The following TRIO variants were observed in gnomAD, a reference collection of about 807,000 sequenced individuals.
TRIO encodes the protein trio Rho guanine nucleotide exchange factor.
TRIO carries 58 observed loss-of-function variants against 351.9 expected under a neutral mutation model. The ratio of observed to expected loss-of-function variants is 0.16; its 90% CI spans 0.13 to 0.21. TRIO has a LOEUF of 0.21. Ranked by LOEUF, TRIO falls within the 10% of genes least tolerant of loss-of-function variation. The pLI is 1.00. For synonymous variants in TRIO, 1,758 were observed against 1,595.7 expected, an observed-to-expected ratio of 1.10 and a Z score of -2.42; for missense variants, 3,201 against 4,027.8, an observed-to-expected ratio of 0.79 and a Z score of 5.56.
intron 1 of TRIO, among the ~76,000 whole-genome samples, chr5:14,204,214 C>T (rs997943830): frequency 1.3e-5 from 2 of 152,098 alleles, no homozygotes; most frequent in African/African-American, 2.4e-5. Flanking sequence ...TCTGCTTGAC[C>T]TCACAATAAA....
In TRIO at chr5:14,501,866, C is replaced by T. The variant is rs150907687; in HGVS notation, c.8333-713C>T. On this transcript the variant is annotated intron_variant, in intron 53 of 56. Transcript: ENST00000344204. Reference sequence around the variant, plus strand: ...CCGTGGAGGCCTAGAATCACAGTGGCAGCTGTGCTTCCCAGGGGCTGCCTG... The same window carrying T: ...CCGTGGAGGCCTAGAATCACAGTGGTAGCTGTGCTTCCCAGGGGCTGCCTG... 3.8e-3 allele frequency among the ~76,000 whole-genome samples: 584 copies of T among 152,312 alleles called. 1 individual carries two copies. Among genetic ancestry groups the T allele is most frequent in the Non-Finnish European group, 6.2e-3 (423 of 68,018 alleles).
chr5:14,422,424 C>T (rs1032323819), intron 34 of TRIO, among the ~76,000 whole-genome samples: 8 of 152,236 alleles, frequency 5.3e-5, no homozygotes, highest in African/African-American at 1.7e-4. Flanking sequence ...TTTTTCATAA[C>T]ACCCTGATCC....
chr5:14,384,524 A>C (rs1746376182), intron 21 of TRIO, among the ~76,000 whole-genome samples: 1 of 152,246 alleles, frequency 6.6e-6, no homozygotes, highest in African/African-American at 2.4e-5. Context: ...TCCTTATAAT[A>C]TCTCACTTTA....
intron 27 of TRIO, among the ~76,000 whole-genome samples, chr5:14,392,890 C>CA (rs35146191): frequency 6.6e-6 from 1 of 151,406 alleles, no homozygotes; most frequent in African/African-American, 2.4e-5. Context: ...ACTAAAAATA[C>CA]AAAAAAAATT....
Position 14,392,904 on chromosome 5 carries a change from C to T in TRIO, c.4219-1134C>T, listed in dbSNP as rs186188782. Reference sequence around the variant, plus strand: ...TACTAAAAATACAAAAAAAATTAGCCGAGCGTGGTGGCGGGCACCTGTATC... The same window carrying T: ...TACTAAAAATACAAAAAAAATTAGCTGAGCGTGGTGGCGGGCACCTGTATC... On this transcript the variant is annotated intron_variant, in intron 27 of 56. Coordinates refer to ENST00000344204, the MANE Select transcript of TRIO (RefSeq NM_007118.4). Among the ~76,000 whole-genome samples the T allele has an allele frequency of 9.9e-3, 1,506 of 151,940 alleles. 10 individuals are homozygous for T. The highest frequency in any genetic ancestry group is 0.023 in the African/African-American group (971 of 41,426).
intron 21 of TRIO, 182 bp from the exon 22 acceptor site, chr5:14,387,256 A>C: frequency 1.8e-6 from 1 of 556,256 alleles, no homozygotes. Context: ...AGAGCTGAGG[A>C]GAGATAGCTG....
At chr5:14,403,366 TGTG>T (rs528397111) in intron 31 of TRIO, among the ~76,000 whole-genome samples, 28 of 29,782 alleles carry the variant, frequency 9.4e-4, no homozygotes, top group Non-Finnish European at 9.5e-4. Flanking sequence ...GGGTGCAGGT[TGTG>T]GTGAGGGTGT....
chr5:14,280,233 A>T, intron 2 of TRIO, 89 bp from the exon 3 acceptor site: 1 of 1,281,706 alleles, frequency 7.8e-7, no homozygotes, highest in Non-Finnish European at 1.1e-6. Context: ...TAGTTGCTTT[A>T]GGAATAATTT....
At chr5:14,159,480 A>G (rs1455134589) in intron 1 of TRIO, among the ~76,000 whole-genome samples, 1 of 152,094 alleles carries the variant, frequency 6.6e-6, no homozygotes, top group Non-Finnish European at 1.5e-5. Context: ...TTGAAGGGAG[A>G]GGCAACTTTC....
intron 8 of TRIO, among the ~76,000 whole-genome samples, chr5:14,308,908 A>G (rs1456031526): frequency 6.6e-6 from 1 of 150,576 alleles, no homozygotes; most frequent in Non-Finnish European, 1.5e-5. Flanking sequence ...ACCCATCCAC[A>G]TTTGTCTAGT....
At chr5:14,231,996 T>C (rs908813121) in intron 1 of TRIO, among the ~76,000 whole-genome samples, 1 of 152,182 alleles carries the variant, frequency 6.6e-6, no homozygotes. Flanking sequence ...ACATAAGGAC[T>C]TAATTATAAC....
intron 1 of TRIO, among the ~76,000 whole-genome samples, chr5:14,233,030 C>T (rs997813841): frequency 2.6e-5 from 4 of 151,904 alleles, no homozygotes; most frequent in Non-Finnish European, 5.9e-5. Flanking sequence ...TGGGCTCATG[C>T]GAGGGTGTGT....
At chr5:14,492,873 C>A in intron 49 of TRIO, 59 bp downstream of exon 49, 1 of 1,591,394 alleles carries the variant, frequency 6.3e-7, no homozygotes, top group South Asian at 1.1e-5. Context: ...GCACAGCACC[C>A]GTGAGGCACA....
At position 14,487,871 on chromosome 5, in the gene TRIO, C is replaced by T. The variant is rs1473281721; in HGVS notation, c.7243C>T (p.Leu2415=). 10 of 1,538,942 alleles carry T rather than the reference C, an allele frequency of 6.5e-6. No homozygotes were observed. The highest frequency in any genetic ancestry group is 8.8e-6 in the Non-Finnish European group (10 of 1,142,474). The change falls in exon 48 of 57, where the codon CTG becomes TTG. Residue 2415 remains leucine (L), a synonymous_variant. Coordinates refer to ENST00000344204, the MANE Select transcript of TRIO (RefSeq NM_007118.4). ...GGAGCCGATCCCCAAGATGAAGGTG[C>T]TGGAGAGCCCCAGGAAAGGCGCCGC... The part of the protein sequence containing the change: ...EAEPIPKMKV[L]ESPRKGAANA...
chr5:14,254,466 T>C (rs564582350), intron 1 of TRIO, among the ~76,000 whole-genome samples: 1 of 152,336 alleles, frequency 6.6e-6, no homozygotes, highest in African/African-American at 2.4e-5. Flanking sequence ...AACTGCTTGC[T>C]GCATGGAGGA....
intron 1 of TRIO, among the ~76,000 whole-genome samples, chr5:14,241,394 G>T (rs1794120039): frequency 6.6e-6 from 1 of 152,146 alleles, no homozygotes; most frequent in East Asian, 1.9e-4. Flanking sequence ...TAATTGTTTG[G>T]TAAGATCATA....
rs543537234 is a variant in TRIO, at chr5:14,482,656, G to C, written c.6540G>C (p.Leu2180=). Reference sequence around the variant, plus strand: ...TCACAGACCAAGATGCAGGACTTCTGCCTCGCTGCAGAGAGAGGCGCATCT... The same window carrying C: ...TCACAGACCAAGATGCAGGACTTCTCCCTCGCTGCAGAGAGAGGCGCATCT... ...FLVTDQDAGL[L]PRCRERRIFL... is the part of the protein sequence containing the mutation. The change falls in exon 46 of 57, where the codon CTG becomes CTC. Residue 2180 remains leucine (L), a synonymous_variant. Transcript: ENST00000344204. 1,089 of 1,607,692 alleles carry C rather than the reference G, an allele frequency of 6.8e-4. 18 individuals are homozygous for C. The South Asian group carries it at 0.011, about 17-fold the overall frequency.
At chr5:14,372,393 A>C (rs1342272321) in intron 18 of TRIO, among the ~76,000 whole-genome samples, 1 of 152,146 alleles carries the variant, frequency 6.6e-6, no homozygotes, top group Non-Finnish European at 1.5e-5. Flanking sequence ...AAGATTGATC[A>C]GTGGTTCAAG....
chr5:14,462,676 C>T (rs1753917714), intron 35 of TRIO, 79 bp from the exon 36 acceptor site: 3 of 1,572,374 alleles, frequency 1.9e-6, no homozygotes, highest in East Asian at 2.3e-5. Context: ...CTGTCCCCAC[C>T]TTGCTTCTCC....
Sources: gnomAD v4.1 joint callset for allele counts (sites outside exome capture counted in the v4.1 genomes callset) on GRCh38, gnomAD v4.1.1 for gene constraint, MANE v1.5 for transcripts, NCBI Gene and HGNC (gene_info 2026-07-23, HGNC 2026-07-21) for gene names.